Variants in LRPPRC observed in about 807,000 individuals in gnomAD.
LRPPRC encodes leucine rich pentatricopeptide repeat containing.
Under a neutral mutation model 180.3 loss-of-function variants are expected in LRPPRC, and 120 were observed. That is an observed-to-expected ratio of 0.67 (90% confidence interval 0.57 to 0.77). The LOEUF (loss-of-function observed/expected upper bound fraction) is 0.77, where lower values mean the gene tolerates loss of function less well. Ranked by LOEUF, LRPPRC falls within the 30% of genes least tolerant of loss-of-function variation. The probability of loss-of-function intolerance (pLI) is 0.00; values close to 1 mark genes in which losing one functional copy is unlikely to be tolerated. For synonymous variants in LRPPRC, 723 were observed against 600.0 expected (o/e 1.21, Z -3.00); for missense variants, 2,012 against 1,657.2 (o/e 1.21, Z -3.72).
intron 23 of LRPPRC, among the ~76,000 whole-genome samples, chr2:43,943,258 T>G (rs561690959): frequency 1.3e-5 from 2 of 152,112 alleles, no homozygotes; most frequent in African/African-American, 4.8e-5. Flanking sequence ...TTATCAAAGC[T>G]AGAATAACTG....
chr2:43,897,021 CATT>C (rs1468516400), intron 34 of LRPPRC, among the ~76,000 whole-genome samples: 3 of 152,124 alleles, frequency 2.0e-5, no homozygotes, highest in African/African-American at 7.2e-5. Context: ...AAAAAAGAAA[CATT>C]ATTCCTCTCC....
At chr2:43,938,994 C>T (rs1174866029) in intron 23 of LRPPRC, among the ~76,000 whole-genome samples, 4 of 151,830 alleles carry the variant, frequency 2.6e-5, no homozygotes, top group African/African-American at 7.3e-5. Context: ...GAAAGATGGC[C>T]GGGCGCGGTG....
At chr2:43,974,340 A>C in intron 8 of LRPPRC, 45 bp from the exon 9 acceptor site, 2 of 1,380,502 alleles carry the variant, frequency 1.4e-6, no homozygotes, top group Non-Finnish European at 2.1e-6. Flanking sequence ...ACTGAACAAT[A>C]TTTTTACACT....
rs1271776067 is a variant in LRPPRC, at chr2:43,943,701, A to C, written c.2490T>G (p.Thr830=). The C allele has an allele frequency of 1.9e-6, 3 of 1,612,660 alleles. No homozygotes were observed. Among genetic ancestry groups the C allele is most frequent in the Non-Finnish European group, 2.5e-6 (3 of 1,178,782 alleles). The change falls in exon 23 of 38, where the codon ACT becomes ACG. Residue 830 remains threonine (T), a synonymous_variant. Coordinates refer to ENST00000260665, the MANE Select transcript of LRPPRC (RefSeq NM_133259.4). ...AATTAACTTACTTTTCCAAGTGTACAGTGACCAATGGGAAACTTATGTTGG... is the reference window on the plus strand; with the variant it reads ...AATTAACTTACTTTTCCAAGTGTACCGTGACCAATGGGAAACTTATGTTGG... ...PSTNISFPLV[T]VHLEKGDLST...
Position 43,976,988 on chromosome 2 carries a change from C to G in LRPPRC, c.650+6G>C. 6.2e-7 allele frequency: 1 copy of G among 1,610,802 alleles called. No individual in the cohort carries two copies. The highest frequency in any genetic ancestry group is 8.5e-7 in the Non-Finnish European group (1 of 1,177,186). On this transcript the variant is annotated splice_donor_region_variant and intron_variant, in intron 5 of 37. Transcript: ENST00000260665. ...TTCGCTTAAACATGTTCATACAGAT[C>G]CATACCTGGCACCTTCAATATCTCC...
At chr2:43,956,814 C>G (rs530477592) in intron 14 of LRPPRC, among the ~76,000 whole-genome samples, 1 of 152,260 alleles carries the variant, frequency 6.6e-6, no homozygotes, top group Non-Finnish European at 1.5e-5. Context: ...CACCTGAACC[C>G]AGGAGGCGGA....
chr2:43,943,734 T>G lies in LRPPRC; in HGVS notation c.2457A>C (p.Glu819Asp). 2 of 1,613,558 alleles carry G rather than the reference T, an allele frequency of 1.2e-6. No individual in the cohort carries two copies. The highest frequency in any genetic ancestry group is 1.7e-6 in the Non-Finnish European group (2 of 1,179,482). ...HEAIVTLGLA[E>D]PSTNISFPLV... is the part of the protein sequence containing the mutation. ...ATGGGAAACTTATGTTGGTGGATGGTTCTGCTAACCCTAGAGTCACGATGG... is the reference window on the plus strand; with the variant it reads ...ATGGGAAACTTATGTTGGTGGATGGGTCTGCTAACCCTAGAGTCACGATGG... Residue 819 changes from glutamate (E) to aspartate (D), a missense_variant, in exon 23 of 38, where the codon GAA becomes GAC. Coordinates refer to ENST00000260665, the MANE Select transcript of LRPPRC (RefSeq NM_133259.4).
intron 30 of LRPPRC, among the ~76,000 whole-genome samples, chr2:43,906,803 C>CA (rs1671081465): frequency 6.6e-6 from 1 of 152,154 alleles, no homozygotes; most frequent in South Asian, 2.1e-4. Context: ...CCCATTCTCT[C>CA]AGTCACTTTC....
intron 23 of LRPPRC, among the ~76,000 whole-genome samples, chr2:43,942,928 G>T (rs1250906886): frequency 6.6e-6 from 1 of 151,702 alleles, no homozygotes; most frequent in East Asian, 1.9e-4. Flanking sequence ...TGTTTGCCTA[G>T]GGTTGTTTAA....
At chr2:43,920,828 A>AG (rs1671674140) in intron 27 of LRPPRC, among the ~76,000 whole-genome samples, 1 of 152,188 alleles carries the variant, frequency 6.6e-6, no homozygotes, top group Non-Finnish European at 1.5e-5. Context: ...ACCTTTAAAA[A>AG]GGGATTAGTT....
intron 27 of LRPPRC, among the ~76,000 whole-genome samples, chr2:43,924,572 T>A (rs989486132): frequency 1.2e-4 from 18 of 152,158 alleles, no homozygotes; most frequent in African/African-American, 4.1e-4. Flanking sequence ...TGATTAAATA[T>A]AGAAAAATGT....
At chr2:43,928,753 C>A (rs1008508382) in intron 25 of LRPPRC, among the ~76,000 whole-genome samples, 1 of 151,822 alleles carries the variant, frequency 6.6e-6, no homozygotes, top group Non-Finnish European at 1.5e-5. Context: ...CACAGTGTGA[C>A]CCCATCTCTT....
At chr2:43,911,971 A>G (rs1671279003) in intron 30 of LRPPRC, among the ~76,000 whole-genome samples, 1 of 152,036 alleles carries the variant, frequency 6.6e-6, no homozygotes, top group South Asian at 2.1e-4. Context: ...ATTATCATAC[A>G]CTCATCATAC....
rs143632351 is a variant in LRPPRC at position 43,992,118 on chromosome 2, G to A, written c.149+3681C>T. On this transcript the variant is annotated intron_variant, in intron 1 of 37. Coordinates refer to ENST00000260665, the MANE Select transcript of LRPPRC (RefSeq NM_133259.4). Reference sequence around the variant, plus strand: ...GTTAATGGGTGCTTTAGTGATACACGGTCTAAGAGGAGGCACAAGAAAGGA... The same window carrying A: ...GTTAATGGGTGCTTTAGTGATACACAGTCTAAGAGGAGGCACAAGAAAGGA... Among the ~76,000 whole-genome samples, 159 of 152,286 alleles carry A rather than the reference G, an allele frequency of 1.0e-3. 3 individuals carry two copies. The East Asian group carries it at 0.024, about 23-fold the overall frequency.
chr2:43,909,419 T>C (rs1205638664), intron 30 of LRPPRC, among the ~76,000 whole-genome samples: 3 of 152,040 alleles, frequency 2.0e-5, no homozygotes, highest in Non-Finnish European at 2.9e-5. Flanking sequence ...CAGAGTATGA[T>C]GGTAGACACC....
intron 1 of LRPPRC, among the ~76,000 whole-genome samples, chr2:43,988,313 G>A (rs1347641129): frequency 6.6e-6 from 1 of 151,332 alleles, no homozygotes; most frequent in Admixed American, 6.6e-5. Context: ...AAGGCGGGCG[G>A]ATCACCTGAG....
At position 43,980,937 on chromosome 2, in the gene LRPPRC, G is replaced by A. The variant is rs1572575389; in HGVS notation, c.347-989C>T. The stretch of plus-strand genomic sequence containing the variant: ...TGAATAAATAAGTCAGAGAGAGAAT[G>A]TGACACAGGTCTTTAAATGTACATA... On this transcript the variant is annotated intron_variant, in intron 2 of 37. Coordinates refer to ENST00000260665, the MANE Select transcript of LRPPRC (RefSeq NM_133259.4). Among the ~76,000 whole-genome samples the A allele has an allele frequency of 5.9e-5, 9 of 152,272 alleles. No individual in the cohort carries two copies. In the South Asian group the frequency reaches 1.9e-3, roughly 32 times the overall value.
intron 1 of LRPPRC, among the ~76,000 whole-genome samples, chr2:43,991,887 G>C (rs1355827812): frequency 6.6e-6 from 1 of 152,186 alleles, no homozygotes; most frequent in Non-Finnish European, 1.5e-5. Flanking sequence ...CTGCATGGGT[G>C]GGTTAAGCAT....
intron 25 of LRPPRC, among the ~76,000 whole-genome samples, chr2:43,931,461 T>C (rs1134649): frequency 0.087 from 13,184 of 152,204 alleles, 647 homozygotes; most frequent in South Asian, 0.13. Flanking sequence ...ATAAGAGTTC[T>C]GAGAGGCAGA....
Sources: gnomAD v4.1 joint callset for allele counts (sites outside exome capture counted in the v4.1 genomes callset) on GRCh38, gnomAD v4.1.1 for gene constraint, MANE v1.5 for transcripts, NCBI Gene and HGNC (gene_info 2026-07-23, HGNC 2026-07-21) for gene names.